The following KIF1A variants were observed in gnomAD, a reference collection of about 807,000 sequenced individuals.
KIF1A encodes the protein kinesin-like protein KIF1A.
KIF1A carries 46 observed loss-of-function variants against 227.3 expected under a neutral mutation model. The ratio of observed to expected loss-of-function variants is 0.20; its 90% confidence interval spans 0.16 to 0.26. The LOEUF is 0.26. Among genes scored for constraint, KIF1A ranks in the 10% least tolerant of loss-of-function variants. KIF1A has a pLI of 1.00. For synonymous variants in KIF1A, 1,022 were observed against 1,012.8 expected, an observed-to-expected ratio of 1.01 and a Z score of -0.17; for missense variants, 1,683 against 2,485.9, an observed-to-expected ratio of 0.68 and a Z score of 6.87.
chr2:240,782,045 C>G (rs970023229), intron 10 of KIF1A: 11 of 985,328 alleles, frequency 1.1e-5, no homozygotes, highest in African/African-American at 1.7e-5. Flanking sequence ...CGCTGGCTCA[C>G]TCCGTTCCTG....
chr2:240,769,823 C>G (rs1004957600), intron 15 of KIF1A, 117 bp from the exon 16 acceptor site: 2 of 745,820 alleles, frequency 2.7e-6, no homozygotes, highest in Admixed American at 2.4e-5. Flanking sequence ...TTCCTGGGCC[C>G]GACAAGGCAA....
At chr2:240,809,827 G>A (rs1442803670) in intron 1 of KIF1A, among the ~76,000 whole-genome samples, 1 of 150,696 alleles carries the variant, frequency 6.6e-6, no homozygotes, top group African/African-American at 2.4e-5. Context: ...CATGGTACAT[G>A]TATACCTTTG....
chr2:240,783,113 CG>C lies in KIF1A; in HGVS notation c.799-5del. 1 of 1,612,624 alleles carries C rather than the reference CG, an allele frequency of 6.2e-7. No homozygotes were observed. The highest frequency in any genetic ancestry group is 8.5e-7 in the Non-Finnish European group (1 of 1,178,784). On this transcript the variant is annotated splice_region_variant and splice_polypyrimidine_tract_variant and intron_variant, in intron 8 of 48. Transcript: ENST00000498729. ...ACTTGTTGATGTTGGCCCCCTCCTG[CG>C]GGCAGAAAAGACAGTGGGGTTGGGA...
chr2:240,768,346 C>T (rs1427804747), intron 17 of KIF1A, among the ~76,000 whole-genome samples: 1 of 152,232 alleles, frequency 6.6e-6, no homozygotes, highest in Non-Finnish European at 1.5e-5. Flanking sequence ...CTGCCTGGGA[C>T]TGGAATCTCC....
intron 10 of KIF1A, among the ~76,000 whole-genome samples, chr2:240,781,431 CCACACA>C (rs1207804684): frequency 7.3e-4 from 16 of 21,962 alleles, no homozygotes; most frequent in East Asian, 1.2e-3. Flanking sequence ...ACACACAGCT[CCACACA>C]CACACACACA....
In KIF1A at chr2:240,740,462, T is replaced by C. The variant is rs2047828691; in HGVS notation, c.3750-98A>G. 1 of 970,554 alleles carries C rather than the reference T, an allele frequency of 1.0e-6. No homozygotes were observed. Among genetic ancestry groups the C allele is most frequent in the Non-Finnish European group, 1.6e-6 (1 of 612,898 alleles). The allele number at this position is 970,554 out of a possible 1,614,324, so 60.1% of individuals were successfully genotyped here. ...GGACGGGAGCAAAAACAGGGAAAAGTCAGCAGCTCCCTCTGGTGAAGATCA... is the reference window on the plus strand; with the variant it reads ...GGACGGGAGCAAAAACAGGGAAAAGCCAGCAGCTCCCTCTGGTGAAGATCA... On this transcript the variant is annotated intron_variant, in intron 35 of 48. Transcript: ENST00000498729. The surrounding 1 kb of genome is among the most constrained non-coding windows in gnomAD (Gnocchi z 6.1).
intron 12 of KIF1A, 101 bp from the exon 13 acceptor site, chr2:240,773,357 T>G: frequency 6.8e-7 from 1 of 1,461,322 alleles, no homozygotes; most frequent in Non-Finnish European, 9.4e-7. Flanking sequence ...CCTTTTGGGC[T>G]CAGCAGCCAG....
At chr2:240,755,795 C>T (rs1330621473) in intron 27 of KIF1A, among the ~76,000 whole-genome samples, 1 of 152,206 alleles carries the variant, frequency 6.6e-6, no homozygotes, top group East Asian at 1.9e-4. Flanking sequence ...CCCTGTGCGT[C>T]CTGATCCCTC....
chr2:240,740,407 C>A lies in KIF1A; in HGVS notation c.3750-43G>T, dbSNP rs1327154876. On this transcript the variant is annotated intron_variant, in intron 35 of 48. Coordinates refer to ENST00000498729, the MANE Select transcript of KIF1A (RefSeq NM_001244008.2). The surrounding 1 kb of genome is among the most constrained non-coding windows in gnomAD (Gnocchi z 6.1). ...ATGTGAGGAGCGGCCAGCCCCTCCT[C>A]TCTGCCCTCCCCGCAGCACAGGACA... The A allele has an allele frequency of 8.5e-6, 13 of 1,523,286 alleles. No individual in the cohort carries two copies. The highest frequency in any genetic ancestry group is 9.1e-6 in the Non-Finnish European group (10 of 1,097,990). The allele number at this position is 1,523,286 out of a possible 1,614,324, so 94.4% of individuals were successfully genotyped here.
chr2:240,781,503 C>A (rs1483374095), intron 10 of KIF1A, among the ~76,000 whole-genome samples: 2 of 119,442 alleles, frequency 1.7e-5, no homozygotes, highest in Admixed American at 8.1e-5. Flanking sequence ...ACACACAGCT[C>A]CACACACACA....
At position 240,790,442 on chromosome 2, in the gene KIF1A, C is replaced by T. The variant is rs1385882254; in HGVS notation, c.107-1130G>A. Among the ~76,000 whole-genome samples the T allele has an allele frequency of 6.6e-6, 1 of 152,044 alleles. No individual in the cohort carries two copies. Among genetic ancestry groups the T allele is most frequent in the Non-Finnish European group, 1.5e-5 (1 of 68,020 alleles). On this transcript the variant is annotated intron_variant, in intron 2 of 48. Transcript: ENST00000498729. This position sits in a 1 kb window ranked among gnomAD's most constrained non-coding sequence, Gnocchi z 5.0. ...TTCCTCAGCCAGCGTGGGCTGGGGG[C>T]CAGCGGCACAGCCTCCAGTATGCCC...
chr2:240,726,835 A>G lies in KIF1A; in HGVS notation c.4113T>C (p.Ala1371=). 6.2e-7 allele frequency: 1 copy of G among 1,606,664 alleles called. No individual in the cohort carries two copies. Among genetic ancestry groups the G allele is most frequent in the Non-Finnish European group, 8.5e-7 (1 of 1,174,988 alleles). Residue 1371 remains alanine, a synonymous_variant, in exon 39 of 49, where the codon GCT becomes GCC. Transcript: ENST00000498729. The surrounding 1 kb of genome is among the most constrained non-coding windows in gnomAD (Gnocchi z 5.2). The part of the protein sequence containing the change: ...YREKIYMTLS[A]YIEMENCTQP... ...GGCATAGGTGCCTTGCCTCGATATA[A>G]GCGGAGAGTGTCATGTAGATTTTCT... is the stretch of plus-strand genomic sequence containing the variant.
intron 40 of KIF1A, chr2:240,724,944 GGGGGGGGAA>G: frequency 5.2e-6 from 1 of 193,956 alleles, no homozygotes; most frequent in South Asian, 1.3e-4. Context: ...CGGGGGGGGG[GGGGGGGGAA>G]CGGTGTGGCC....
intron 18 of KIF1A, 121 bp downstream of exon 18, chr2:240,767,145 G>T: frequency 9.0e-7 from 1 of 1,110,424 alleles, no homozygotes; most frequent in Non-Finnish European, 1.3e-6. Context: ...ACATCAGTGG[G>T]GTCGCTGGGG....
At chr2:240,728,343 G>A (rs1393219186) in intron 38 of KIF1A, 20 of 1,216,026 alleles carry the variant, frequency 1.6e-5, no homozygotes, top group Non-Finnish European at 2.1e-5. Flanking sequence ...CGGAAGAGCA[G>A]AAGAGGACAG....
At chr2:240,750,365 C>G in intron 28 of KIF1A, 64 bp downstream of exon 28, 1 of 1,273,768 alleles carries the variant, frequency 7.9e-7, no homozygotes, top group Non-Finnish European at 1.1e-6. Context: ...ACGCCTCTGC[C>G]TGCAAAGGTC....
At chr2:240,820,953 T>G (rs567899067), upstream of KIF1A, among the ~76,000 whole-genome samples, 129 of 151,806 alleles carry the variant, frequency 8.5e-4, no homozygotes, top group African/African-American at 2.9e-3. The surrounding 1 kb of genome is among the most constrained non-coding windows in gnomAD (Gnocchi z 6.2). Flanking sequence ...GACCCCCAAG[T>G]CACACGCCGC....
chr2:240,749,336 G>A (rs1306982646), intron 28 of KIF1A, among the ~76,000 whole-genome samples: 9 of 152,122 alleles, frequency 5.9e-5, no homozygotes, highest in Non-Finnish European at 1.3e-4. Context: ...CTTGCCATCT[G>A]GGGAGGGGTA....
intron 1 of KIF1A, among the ~76,000 whole-genome samples, chr2:240,816,359 GTGTA>G (rs1298564895): frequency 6.6e-6 from 1 of 152,044 alleles, no homozygotes; most frequent in Non-Finnish European, 1.5e-5. Context: ...TGCAATGTGT[GTGTA>G]TGTGTATATG....
Sources: allele counts gnomAD v4.1 joint callset (sites outside exome capture counted in the v4.1 genomes callset), GRCh38; gene constraint gnomAD v4.1.1; non-coding constraint Gnocchi (gnomAD v3.1); transcripts MANE v1.5; gene names NCBI Gene and HGNC (gene_info 2026-07-23, HGNC 2026-07-21).